The following TCEA1 variants were observed in gnomAD, a reference collection of about 807,000 sequenced individuals.
TCEA1 encodes the protein transcription elongation factor A protein 1.
Under a neutral mutation model 43.8 loss-of-function variants are expected in TCEA1, and 21 were observed. The ratio of observed to expected loss-of-function variants is 0.48; its 90% CI spans 0.34 to 0.69. TCEA1 has a LOEUF of 0.69. Among genes scored for constraint, TCEA1 ranks in the 30% least tolerant of loss-of-function variants. TCEA1 has a pLI of 0.01. For synonymous variants in TCEA1, 104 were observed against 117.5 expected (o/e 0.88, Z 0.75); for missense variants, 250 against 365.1 (o/e 0.68, Z 2.57).
intron 3 of TCEA1, among the ~76,000 whole-genome samples, chr8:53,996,903 C>CGTTTTTTTTTTTTT (rs1804072249): frequency 8.6e-6 from 1 of 116,626 alleles, no homozygotes; most frequent in African/African-American, 3.7e-5. Flanking sequence ...AGAAGGTTGT[C>CGTTTTTTTTTTTTT]TTTTTTTTTT....
At chr8:53,996,424 C>T (rs1203735899) in intron 3 of TCEA1, among the ~76,000 whole-genome samples, 2 of 152,210 alleles carry the variant, frequency 1.3e-5, no homozygotes, top group Admixed American at 6.5e-5. Context: ...ATAATAGCAC[C>T]TACCAAATTG....
rs751520629 is a variant in TCEA1, at chr8:53,993,715, TTTC to T, written c.270_272del (p.Lys91del). Reference sequence around the variant, plus strand: ...TGTTCTGCGATGTAATTGCAGGTTCTTTCTTCTTTTCGTCAAGGTCTTTCTCAG... The same window carrying T: ...TGTTCTGCGATGTAATTGCAGGTTCTTTCTTTTCGTCAAGGTCTTTCTCAG... On this transcript the variant is annotated inframe_deletion, in exon 4 of 10. Transcript: ENST00000521604. The T allele has an allele frequency of 3.7e-6, 6 of 1,613,764 alleles. No homozygotes were observed. Among genetic ancestry groups the T allele is most frequent in the Non-Finnish European group, 5.1e-6 (6 of 1,179,838 alleles).
intron 5 of TCEA1, 118 bp from the exon 6 acceptor site, chr8:53,987,143 C>A (rs1177821760): frequency 1.2e-6 from 1 of 857,182 alleles, no homozygotes; most frequent in Non-Finnish European, 1.9e-6. Context: ...CATAAAGAAA[C>A]CGTTCAGTTT....
intron 8 of TCEA1, chr8:53,973,213 G>T (rs1318938129): frequency 2.1e-6 from 1 of 475,024 alleles, no homozygotes; most frequent in African/African-American, 2.0e-5. Context: ...GGCAACTTTT[G>T]CAGGTTATTC....
chr8:53,972,285 A>G (rs1803180912), intron 8 of TCEA1: 1 of 434,760 alleles, frequency 2.3e-6, no homozygotes, highest in African/African-American at 2.0e-5. Flanking sequence ...TGATGATGAC[A>G]ATGGAAGTGA....
At chr8:54,001,493 A>T (rs572341600) in intron 2 of TCEA1, among the ~76,000 whole-genome samples, 1 of 152,266 alleles carries the variant, frequency 6.6e-6, no homozygotes, top group East Asian at 1.9e-4. Flanking sequence ...AGATAAAGGG[A>T]CTCCACAATT....
At chr8:54,011,730 T>C (rs1041568029) in intron 1 of TCEA1, among the ~76,000 whole-genome samples, 6 of 152,248 alleles carry the variant, frequency 3.9e-5, no homozygotes, top group Admixed American at 3.9e-4. Context: ...CTTTATTTCT[T>C]AGATATAAAA....
At chr8:54,018,291 C>T (rs1334982964) in intron 1 of TCEA1, among the ~76,000 whole-genome samples, 1 of 152,180 alleles carries the variant, frequency 6.6e-6, no homozygotes, top group Non-Finnish European at 1.5e-5. Flanking sequence ...AACCTCAGCA[C>T]TACCCACAAA....
Position 54,022,044 on chromosome 8 carries a change from C to T in TCEA1, c.63+19G>A, listed in dbSNP as rs1188570509. The T allele has an allele frequency of 5.2e-6, 8 of 1,552,168 alleles. No homozygotes were observed. The highest frequency in any genetic ancestry group is 1.1e-5 in the South Asian group (1 of 87,562). ...GCGGCCCGGCCTCCCTCCCGGCCCG[C>T]GCCGCTCGCCGCGCTCACCGCGTTC... On this transcript the variant is annotated intron_variant, in intron 1 of 9. Transcript: ENST00000521604.
At chr8:54,004,447 A>T (rs1804374653) in intron 2 of TCEA1, among the ~76,000 whole-genome samples, 1 of 152,342 alleles carries the variant, frequency 6.6e-6, no homozygotes. Flanking sequence ...AGCCATAAAA[A>T]GGCCTGAAAA....
At chr8:54,021,957 CG>C (rs1805051068) in intron 1 of TCEA1, 105 bp downstream of exon 1, 1 of 1,141,526 alleles carries the variant, frequency 8.8e-7, no homozygotes, top group South Asian at 2.4e-5. Flanking sequence ...GGCTCCCAGA[CG>C]GGAGGCTGCA....
intron 5 of TCEA1, among the ~76,000 whole-genome samples, chr8:53,987,458 T>C (rs1001925523): frequency 6.6e-6 from 1 of 151,564 alleles, no homozygotes; most frequent in Non-Finnish European, 1.5e-5. Context: ...TGCAAGAGGA[T>C]AGAAGGAAAT....
At chr8:53,972,703 A>G in intron 8 of TCEA1, 1 of 657,174 alleles carries the variant, frequency 1.5e-6, no homozygotes, top group Non-Finnish European at 2.9e-6. Flanking sequence ...GCCCCAAAAA[A>G]GGACTGGACC....
At chr8:53,982,867 A>G (rs1197831012) in intron 7 of TCEA1, among the ~76,000 whole-genome samples, 2 of 152,218 alleles carry the variant, frequency 1.3e-5, no homozygotes, top group Non-Finnish European at 1.5e-5. Flanking sequence ...AACTTAGTTG[A>G]TAAGGCAGCA....
intron 4 of TCEA1, among the ~76,000 whole-genome samples, chr8:53,989,401 CAT>C (rs925607501): frequency 1.3e-5 from 2 of 152,190 alleles, no homozygotes; most frequent in Non-Finnish European, 2.9e-5. Context: ...ATCCACCATC[CAT>C]AGATGTGGTT....
At chr8:54,009,594 C>T (rs1804584692) in intron 2 of TCEA1, among the ~76,000 whole-genome samples, 1 of 152,136 alleles carries the variant, frequency 6.6e-6, no homozygotes, top group Non-Finnish European at 1.5e-5. Context: ...GTTCTCACTC[C>T]TATGTGAGAG....
intron 2 of TCEA1, among the ~76,000 whole-genome samples, chr8:54,001,328 T>C (rs1023338164): frequency 4.6e-5 from 7 of 152,264 alleles, no homozygotes; most frequent in Non-Finnish European, 1.0e-4. Context: ...TAGAAAAATA[T>C]ACGGGTACTT....
intron 3 of TCEA1, 129 bp from the exon 4 acceptor site, chr8:53,993,884 TA>T: frequency 1.4e-6 from 1 of 718,748 alleles, no homozygotes; most frequent in Non-Finnish European, 2.4e-6. Context: ...GAAGTTTGCA[TA>T]AGCTATTAGC....
At chr8:54,007,133 G>C (rs1435385141) in intron 2 of TCEA1, among the ~76,000 whole-genome samples, 1 of 151,948 alleles carries the variant, frequency 6.6e-6, no homozygotes, top group Non-Finnish European at 1.5e-5. Flanking sequence ...TGAGCCACCT[G>C]GTCGGCCTAG....
Sources: allele counts gnomAD v4.1 joint callset (sites outside exome capture counted in the v4.1 genomes callset), GRCh38; gene constraint gnomAD v4.1.1; transcripts MANE v1.5; gene names NCBI Gene and HGNC (gene_info 2026-07-23, HGNC 2026-07-21).